The following LOC112694756 variants were observed in gnomAD, a reference collection of about 807,000 sequenced individuals.
At chr16:30,069,462 C>A in the LOC112694756 span, 7 of 1,613,874 alleles carry the variant, frequency 4.3e-6, no homozygotes, top group Non-Finnish European at 5.9e-6. Flanking sequence ...ATCCTCTCCT[C>A]CACCCCACTA....
At chr16:30,068,808 C>T in the LOC112694756 span, 16 of 1,614,098 alleles carry the variant, frequency 9.9e-6, no homozygotes, top group Admixed American at 6.7e-5. Context: ...ACCCCTTCCT[C>T]TTCTCTTAGG....
chr16:30,070,372 C>T, the LOC112694756 span: 8 of 677,596 alleles, frequency 1.2e-5, no homozygotes, highest in East Asian at 2.2e-4. Flanking sequence ...AAGTCCATCA[C>T]CCTTTCCGGC....
the LOC112694756 span, chr16:30,070,368 A>T: frequency 2.9e-6 from 2 of 696,338 alleles, no homozygotes; most frequent in African/African-American, 3.5e-5. Context: ...TGCTAAGTCC[A>T]TCACCCTTTC....
At chr16:30,053,192 G>C in the LOC112694756 span, 3 of 152,508 alleles carry the variant, frequency 2.0e-5, no homozygotes, top group Non-Finnish European at 4.4e-5. Flanking sequence ...CGGAATCCGT[G>C]AATTGCCCGC....
At chr16:30,067,837 T>C in the LOC112694756 span, 1 of 730,902 alleles carries the variant, frequency 1.4e-6, no homozygotes, top group Non-Finnish European at 2.3e-6. Flanking sequence ...GAGAACAGTA[T>C]CATTCCCACT....
chr16:30,068,327 G>A, the LOC112694756 span: 3 of 376,542 alleles, frequency 8.0e-6, no homozygotes, highest in African/African-American at 4.2e-5. Context: ...GCCTCCCAAA[G>A]TGCTGGGATT....
the LOC112694756 span, chr16:30,068,646 G>T: frequency 6.2e-7 from 1 of 1,614,200 alleles, no homozygotes; most frequent in South Asian, 1.1e-5. Context: ...ACCCCAACAG[G>T]TAGACAAGGG....
chr16:30,066,939 C>A, the LOC112694756 span: 3 of 1,550,854 alleles, frequency 1.9e-6, no homozygotes, highest in Non-Finnish European at 2.6e-6. Context: ...TCAACATGAC[C>A]CACCTGTCCA....
chr16:30,064,687 CAT>C, the LOC112694756 span: 2,598 of 386,242 alleles, frequency 6.7e-3, 12 homozygotes, highest in Non-Finnish European at 9.5e-3. Flanking sequence ...ATCGGGGACA[CAT>C]GTGGGGCGGG....
chr16:30,068,927 C>A, the LOC112694756 span: 3 of 1,614,238 alleles, frequency 1.9e-6, no homozygotes, highest in Non-Finnish European at 2.5e-6. Context: ...CAGCCCTCGC[C>A]ATCATGGAAA....
chr16:30,059,042 G>T, the LOC112694756 span: 12 of 398,464 alleles, frequency 3.0e-5, no homozygotes, highest in East Asian at 7.1e-5. Flanking sequence ...CCCTGCATGC[G>T]ATCAGAAGCA....
chr16:30,069,196 C>T, the LOC112694756 span: 51 of 1,399,972 alleles, frequency 3.6e-5, no homozygotes, highest in East Asian at 9.4e-4. Flanking sequence ...GGCTTTGAAG[C>T]CTGAGTCCCT....
the LOC112694756 span, chr16:30,069,006 C>T: frequency 8.6e-5 from 138 of 1,614,020 alleles, no homozygotes; most frequent in African/African-American, 1.2e-3. Context: ...CAATAGGCAA[C>T]CTCCTACCTC....
At chr16:30,068,648 A>G in the LOC112694756 span, 3 of 1,614,068 alleles carry the variant, frequency 1.9e-6, no homozygotes, top group Admixed American at 3.3e-5. Context: ...CCCAACAGGT[A>G]GACAAGGGCG....
chr16:30,058,393 A>G, the LOC112694756 span, among the ~76,000 whole-genome samples: 2 of 152,070 alleles, frequency 1.3e-5, no homozygotes, highest in African/African-American at 4.8e-5. Context: ...CTTGGAGGTT[A>G]TATGGCTGGA....
the LOC112694756 span, chr16:30,066,919 G>C: frequency 1.9e-6 from 3 of 1,550,748 alleles, no homozygotes; most frequent in Non-Finnish European, 2.6e-6. Context: ...CAAGCCAGAA[G>C]GGTCCAGCTT....
At chr16:30,060,732 C>T in the LOC112694756 span, among the ~76,000 whole-genome samples, 4 of 152,122 alleles carry the variant, frequency 2.6e-5, no homozygotes, top group African/African-American at 9.7e-5. Context: ...TGATTTCATC[C>T]CCAGACTGAG....
chr16:30,058,572 G>A, the LOC112694756 span, among the ~76,000 whole-genome samples: 2 of 150,806 alleles, frequency 1.3e-5, no homozygotes, highest in African/African-American at 2.4e-5. Flanking sequence ...TTCAACCTCC[G>A]CCTCTCGGGT....
the LOC112694756 span, among the ~76,000 whole-genome samples, chr16:30,061,736 T>A: frequency 1.3e-5 from 2 of 151,334 alleles, no homozygotes; most frequent in Non-Finnish European, 2.9e-5. Context: ...ATTTTTGTGT[T>A]TTTAGTAGAG....
Sources: allele counts gnomAD v4.1 joint callset (sites outside exome capture counted in the v4.1 genomes callset), GRCh38; gene constraint gnomAD v4.1.1; transcripts MANE v1.5.